Variants in ERMP1 observed in about 807,000 individuals in gnomAD.
ERMP1 encodes Felix-ina.
In ERMP1, 86 loss-of-function variants were observed where a neutral mutation model predicts 92.0. The observed-to-expected ratio is 0.93, with a 90% CI of 0.79 to 1.12. The LOEUF is 1.12. Among genes scored for constraint, ERMP1 ranks in the 50% most tolerant of loss-of-function variants. The probability of loss-of-function intolerance (pLI) is 0.00; values close to 1 mark genes in which losing one functional copy is unlikely to be tolerated. For missense variants in ERMP1, 1,342 were observed against 1,116.3 expected, an observed-to-expected ratio of 1.20 and a Z score of -2.88; for synonymous variants, 530 against 412.8, an observed-to-expected ratio of 1.28 and a Z score of -3.44.
At chr9:5,819,536 T>C (rs770747186) in intron 4 of ERMP1, among the ~76,000 whole-genome samples, 21 of 152,218 alleles carry the variant, frequency 1.4e-4, no homozygotes, top group Non-Finnish European at 2.4e-4. Context: ...TTGATCCTTG[T>C]AGCCAAGGAT....
At chr9:5,828,886 G>C (rs763490334) in intron 2 of ERMP1, among the ~76,000 whole-genome samples, 6 of 151,902 alleles carry the variant, frequency 3.9e-5, no homozygotes, top group Non-Finnish European at 7.4e-5. Context: ...CCGCTTCCCA[G>C]AATTTAAGCA....
At chr9:5,851,487 T>C (rs1417752607) in intron 6 of ERMP1, among the ~76,000 whole-genome samples, 1 of 152,152 alleles carries the variant, frequency 6.6e-6, no homozygotes. Context: ...AAGAAACACA[T>C]GCACACAGAT....
intron 8 of ERMP1, among the ~76,000 whole-genome samples, chr9:5,809,250 G>A (rs1433779496): frequency 1.3e-5 from 2 of 152,078 alleles, no homozygotes; most frequent in Non-Finnish European, 2.9e-5. Context: ...TCGATCTCCT[G>A]ACCTTGTGAT....
At chr9:5,805,336 C>T (rs1412348620) in intron 9 of ERMP1, 119 bp from the exon 10 acceptor site, 15 of 773,664 alleles carry the variant, frequency 1.9e-5, no homozygotes, top group Non-Finnish European at 3.1e-5. Flanking sequence ...GACTCTTGCC[C>T]TTAAGGGTGT....
At chr9:5,831,506 G>A (rs7027242) in intron 1 of ERMP1, among the ~76,000 whole-genome samples, 48,773 of 151,982 alleles carry the variant, frequency 0.32, 9,479 homozygotes, top group East Asian at 0.73. Flanking sequence ...TACTCAAGAG[G>A]CTGAGGTGGG....
chr9:5,852,260 T>TC (rs1830319043), intron 6 of ERMP1, among the ~76,000 whole-genome samples: 1 of 151,472 alleles, frequency 6.6e-6, no homozygotes, highest in African/African-American at 2.4e-5. Flanking sequence ...GTGTTTTTTT[T>TC]TGTTTTTTTG....
chr9:5,801,130 A>T, intron 11 of ERMP1, 46 bp downstream of exon 11: 2 of 1,569,146 alleles, frequency 1.3e-6, no homozygotes, highest in Non-Finnish European at 1.7e-6. Flanking sequence ...CAAAACACAC[A>T]GGGCTTCCTT....
intron 5 of ERMP1, among the ~76,000 whole-genome samples, chr9:5,861,837 G>A (rs1238574562): frequency 2.1e-5 from 3 of 144,960 alleles, no homozygotes; most frequent in Admixed American, 1.5e-4. Context: ...GTTTCTCCAG[G>A]CCACCCTGGG....
In ERMP1 at chr9:5,865,291, G is replaced by C. The variant is rs978436453; in HGVS notation, n.3055+2511C>G. On this transcript the variant is annotated intron_variant and non_coding_transcript_variant, in intron 5 of 6. Transcript: ENST00000690753. ...GGAGGCCAAGGCGGGTGGATCACGA[G>C]GTCAGGAGATAGAGACCATCCTGGA... is the stretch of plus-strand genomic sequence containing the variant. Among the ~76,000 whole-genome samples the C allele has an allele frequency of 2.0e-5, 3 of 151,862 alleles. No homozygotes were observed. The South Asian group carries it at 6.2e-4, about 32-fold the overall frequency.
chr9:5,799,194 A>G (rs913009177), intron 11 of ERMP1, among the ~76,000 whole-genome samples, 186 bp from the exon 12 acceptor site: 1 of 152,192 alleles, frequency 6.6e-6, no homozygotes, highest in Non-Finnish European at 1.5e-5. Flanking sequence ...AGATATATAG[A>G]TTATTGTTTT....
intron 6 of ERMP1, among the ~76,000 whole-genome samples, chr9:5,840,853 G>A (rs926431614): frequency 1.8e-4 from 27 of 152,182 alleles, no homozygotes; most frequent in African/African-American, 6.5e-4. Flanking sequence ...GCATTACAGA[G>A]GCCAATCACT....
At chr9:5,813,118 A>T (rs1242314800) in intron 4 of ERMP1, 83 bp from the exon 5 acceptor site, 1 of 1,482,126 alleles carries the variant, frequency 6.7e-7, no homozygotes, top group African/African-American at 1.4e-5. Context: ...CATAGAAAAC[A>T]GTAAAAGTGG....
chr9:5,821,354 G>A (rs1486378704), intron 4 of ERMP1, among the ~76,000 whole-genome samples: 2 of 152,154 alleles, frequency 1.3e-5, no homozygotes, highest in Admixed American at 1.3e-4. Flanking sequence ...ACCAGCAACT[G>A]CTCACCATCC....
Position 5,854,858 on chromosome 9 carries a change from T to G in ERMP1, n.3199+4610A>C, listed in dbSNP as rs571864711. Among the ~76,000 whole-genome samples, 14 of 152,300 alleles carry G rather than the reference T, an allele frequency of 9.2e-5. 1 individual carries two copies. The South Asian group carries it at 2.5e-3, about 27-fold the overall frequency. On this transcript the variant is annotated intron_variant and non_coding_transcript_variant, in intron 6 of 6. Transcript: ENST00000690753. Reference sequence around the variant, plus strand: ...TATTACTTCTATACATAAGACAGGATCTTTCAACATTTATGTAGGTTAATA... The same window carrying G: ...TATTACTTCTATACATAAGACAGGAGCTTTCAACATTTATGTAGGTTAATA...
At chr9:5,799,355 C>T (rs1006193024) in intron 11 of ERMP1, among the ~76,000 whole-genome samples, 1 of 152,040 alleles carries the variant, frequency 6.6e-6, no homozygotes, top group Non-Finnish European at 1.5e-5. Flanking sequence ...CACTCATTTC[C>T]CTATTAGTGT....
chr9:5,801,401 T>A, intron 10 of ERMP1, 73 bp from the exon 11 acceptor site: 1 of 1,489,422 alleles, frequency 6.7e-7, no homozygotes. Context: ...TTAACTAACT[T>A]TATTTTTAAC....
rs569736392 is a variant in ERMP1, at chr9:5,819,994, G to T, written c.874+3902C>A. Among the ~76,000 whole-genome samples, 5 of 152,258 alleles carry T rather than the reference G, an allele frequency of 3.3e-5. No individual in the cohort carries two copies. In the South Asian group the frequency reaches 1.0e-3, roughly 32 times the overall value. On this transcript the variant is annotated intron_variant, in intron 4 of 14. Coordinates refer to ENST00000339450, the MANE Select transcript of ERMP1 (RefSeq NM_024896.3). ...AATAAAGCTGTAACTTTAAAAAAAA[G>T]AATTCATTCTAAAGAAGGCTACAGG...
intron 13 of ERMP1, among the ~76,000 whole-genome samples, chr9:5,792,398 G>A (rs557015745): frequency 6.6e-6 from 1 of 152,206 alleles, no homozygotes; most frequent in African/African-American, 2.4e-5. Context: ...TTTTAAAGAT[G>A]GAAAAGGGAA....
chr9:5,801,613 G>A (rs1399196750), intron 10 of ERMP1, among the ~76,000 whole-genome samples: 7 of 152,182 alleles, frequency 4.6e-5, no homozygotes, highest in African/African-American at 1.7e-4. Context: ...ACTCAGGACT[G>A]TCGCTGTCCT....
Sources: allele counts gnomAD v4.1 joint callset (sites outside exome capture counted in the v4.1 genomes callset), GRCh38; gene constraint gnomAD v4.1.1; transcripts MANE v1.5; gene names NCBI Gene and HGNC (gene_info 2026-07-23, HGNC 2026-07-21).